GTF3C2: variants seen among roughly 807,000 people sequenced by gnomAD.
GTF3C2 encodes general transcription factor IIIC subunit 2.
In GTF3C2, 17 loss-of-function variants were observed where a neutral mutation model predicts 117.4. The observed-to-expected ratio is 0.14, with a 90% CI of 0.10 to 0.22. GTF3C2 has a LOEUF of 0.22. GTF3C2 is among the 10% of genes least tolerant of loss of function. The pLI is 1.00. For missense variants in GTF3C2, 888 were observed against 1,143.6 expected (o/e 0.78, Z 3.22); for synonymous variants, 437 against 427.0 (o/e 1.02, Z -0.29).
At chr2:27,331,373 C>T (rs1680266414) in intron 12 of GTF3C2, among the ~76,000 whole-genome samples, 1 of 152,182 alleles carries the variant, frequency 6.6e-6, no homozygotes, top group Non-Finnish European at 1.5e-5. Flanking sequence ...TGTTGCCAGG[C>T]TGGAGTGCAG....
chr2:27,343,402 C>T, exon 2 of GTF3C2: 3 of 1,613,906 alleles, frequency 1.9e-6, no homozygotes, highest in East Asian at 2.2e-5. Flanking sequence ...TAGGTAATGA[C>T]ATCTCTACGG....
At chr2:27,342,075 G>A in exon 4 of GTF3C2, 20 of 1,614,106 alleles carry the variant, frequency 1.2e-5, no homozygotes, top group Non-Finnish European at 1.7e-5. Flanking sequence ...TTCATCCCGT[G>A]GAGCACCATC....
At chr2:27,334,917 T>C (rs1680406100) in intron 10 of GTF3C2, among the ~76,000 whole-genome samples, 1 of 152,176 alleles carries the variant, frequency 6.6e-6, no homozygotes, top group South Asian at 2.1e-4. Context: ...AGTACTGGAA[T>C]TAAGGCATGG....
At chr2:27,327,855 T>C (rs1680138228) in intron 17 of GTF3C2, among the ~76,000 whole-genome samples, 182 bp downstream of exon 17, 1 of 152,170 alleles carries the variant, frequency 6.6e-6, no homozygotes, top group Non-Finnish European at 1.5e-5. Context: ...CTTGATCTCT[T>C]GACCTTGTGA....
intron 10 of GTF3C2, among the ~76,000 whole-genome samples, chr2:27,334,460 C>A (rs1025695597): frequency 6.6e-6 from 1 of 152,048 alleles, no homozygotes; most frequent in Non-Finnish European, 1.5e-5. Flanking sequence ...CAGAACACTG[C>A]TCATTCTGTT....
Position 27,328,863 on chromosome 2 carries a change from GGA to G in GTF3C2, c.2106_2107del (p.Pro703SerfsTer53). The G allele has an allele frequency of 6.2e-7, 1 of 1,612,672 alleles. No individual in the cohort carries two copies. Among genetic ancestry groups the G allele is most frequent in the Non-Finnish European group, 8.5e-7 (1 of 1,178,630 alleles). On this transcript the variant is annotated frameshift_variant, in exon 15 of 19. Coordinates refer to ENST00000264720, the Ensembl canonical transcript of GTF3C2. LOFTEE classifies it high-confidence loss of function. ...GCTCACCCAAACGGTGCCTTTTCGA[GGA>G]GCAGTGAAGTAGGCCTTGAAACCAA... is the stretch of plus-strand genomic sequence containing the variant.
intron 4 of GTF3C2, 34 bp from the exon 5 acceptor site, chr2:27,338,054 A>C: frequency 7.6e-7 from 1 of 1,320,890 alleles, no homozygotes; most frequent in Non-Finnish European, 1.1e-6. Flanking sequence ...ATAAGGGAGC[A>C]AATTCTACAG....
chr2:27,329,616 T>TA lies in GTF3C2; in HGVS notation c.1733-94dup. The TA allele has an allele frequency of 8.3e-7, 1 of 1,205,664 alleles. No homozygotes were observed. Among genetic ancestry groups the TA allele is most frequent in the Admixed American group, 2.0e-5 (1 of 50,724 alleles). 74.7% of individuals were successfully genotyped at this position (1,205,664 alleles called of 1,614,324 possible). On this transcript the variant is annotated intron_variant, in intron 12 of 18. Transcript: ENST00000264720. The surrounding 1 kb of genome is among the most constrained non-coding windows in gnomAD (Gnocchi z 4.5). ...CTGGGCTCCTAGGACCTTTGTCTTC[T>TA]ACCCTCAGATCCAAACCACTATGAA... is the stretch of plus-strand genomic sequence containing the variant.
In GTF3C2 at chr2:27,329,048, C is replaced by G. The variant is rs1039143973; in HGVS notation, c.2039+73G>C. 1 of 1,552,148 alleles carries G rather than the reference C, an allele frequency of 6.4e-7. No homozygotes were observed. The highest frequency in any genetic ancestry group is 2.2e-5 in the East Asian group (1 of 44,592). On this transcript the variant is annotated intron_variant, in intron 14 of 18. Transcript: ENST00000264720. The surrounding 1 kb of genome is among the most constrained non-coding windows in gnomAD (Gnocchi z 4.5). ...CCAACTCTCTACCCTCCTCTCCCCACAACAATCTGGCATGCTTTGCATTCC... is the reference window on the plus strand; with the variant it reads ...CCAACTCTCTACCCTCCTCTCCCCAGAACAATCTGGCATGCTTTGCATTCC...
chr2:27,350,551 A>T, intron 1 of GTF3C2: 3 of 971,454 alleles, frequency 3.1e-6, no homozygotes, highest in Non-Finnish European at 3.7e-6. Flanking sequence ...TGTAATCTCA[A>T]CACTTTGGGA....
chr2:27,338,458 GCGCA>G (rs1680582637), intron 4 of GTF3C2, among the ~76,000 whole-genome samples: 2 of 47,356 alleles, frequency 4.2e-5, no homozygotes, highest in South Asian at 6.0e-4. Flanking sequence ...ACGCGCACGC[GCGCA>G]CACACACACA....
intron 1 of GTF3C2, among the ~76,000 whole-genome samples, chr2:27,354,979 A>C (rs548497444): frequency 4.9e-4 from 74 of 152,318 alleles, no homozygotes; most frequent in African/African-American, 1.7e-3. Context: ...TGAACATGGA[A>C]TTACTGTACT....
intron 1 of GTF3C2, among the ~76,000 whole-genome samples, chr2:27,343,933 A>G (rs1445764524): frequency 6.6e-6 from 1 of 152,200 alleles, no homozygotes; most frequent in Non-Finnish European, 1.5e-5. Flanking sequence ...AACTGGTGAT[A>G]TGACAATAAA....
In GTF3C2 at chr2:27,328,460, A is replaced by G; in HGVS notation, c.2256+8T>C. ...CCAACAGCTGCTGTTAGATGTTCGT[A>G]TACGTACAAATCTTCGCTCTACAGG... On this transcript the variant is annotated splice_region_variant and intron_variant, in intron 16 of 18. Transcript: ENST00000264720. 1.2e-6 allele frequency: 2 copies of G among 1,613,948 alleles called. No individual in the cohort carries two copies. Among genetic ancestry groups the G allele is most frequent in the Non-Finnish European group, 1.7e-6 (2 of 1,179,838 alleles).
chr2:27,326,530 T>G, exon 19 of GTF3C2: 1 of 641,034 alleles, frequency 1.6e-6, no homozygotes, highest in South Asian at 1.9e-5. Context: ...AAGAGTGGGA[T>G]CTAAGGAGTC....
At chr2:27,341,967 G>C in exon 4 of GTF3C2, 1 of 1,614,018 alleles carries the variant, frequency 6.2e-7, no homozygotes, top group Non-Finnish European at 8.5e-7. Context: ...AGATCCTCGT[G>C]GGGTGCTTCG....
exon 5 of GTF3C2, chr2:27,337,955 A>G: frequency 1.2e-6 from 2 of 1,610,890 alleles, no homozygotes; most frequent in South Asian, 2.2e-5. Context: ...GGCACTTCCA[A>G]ACAGGAGCCA....
intron 4 of GTF3C2, among the ~76,000 whole-genome samples, chr2:27,339,425 A>G (rs1680635234): frequency 1.6e-5 from 2 of 125,724 alleles, no homozygotes; most frequent in Admixed American, 7.5e-5. Context: ...AAAAAAAAAA[A>G]AAGAAAAAAA....
intron 16 of GTF3C2, 104 bp from the exon 17 acceptor site, chr2:27,328,293 A>C: frequency 9.8e-7 from 1 of 1,019,820 alleles, no homozygotes; most frequent in Non-Finnish European, 1.5e-6. Context: ...AAAAAGTAGT[A>C]TCTTTAAATA....
Sources: allele counts gnomAD v4.1 joint callset (sites outside exome capture counted in the v4.1 genomes callset), GRCh38; gene constraint gnomAD v4.1.1; non-coding constraint Gnocchi (gnomAD v3.1); transcripts MANE v1.5; gene names NCBI Gene and HGNC (gene_info 2026-07-23, HGNC 2026-07-21).